The following ASMT variants were observed in gnomAD, a reference collection of about 807,000 sequenced individuals.
ASMT encodes the protein acetylserotonin O-methyltransferase.
ASMT carries 53 observed loss-of-function variants against 41.3 expected under a neutral mutation model. The observed-to-expected ratio is 1.28, with a 90% CI of 1.03 to 1.61. The LOEUF (loss-of-function observed/expected upper bound fraction) is 1.61, where lower values mean the gene tolerates loss of function less well. ASMT is among the 40% of genes most tolerant of loss of function. The pLI, the probability that ASMT is intolerant of heterozygous loss-of-function variation, is 0.00. For synonymous variants in ASMT, 231 were observed against 184.8 expected (o/e 1.25, Z -2.03); for missense variants, 531 against 441.3 (o/e 1.20, Z -1.82).
intron 7 of ASMT, among the ~76,000 whole-genome samples, chrX:1,633,514 C>T (rs181771500): frequency 3.3e-5 from 5 of 152,212 alleles, no homozygotes; most frequent in East Asian, 3.9e-4. Context: ...CTTGCTTTGT[C>T]GCCCAGGCTG....
At chrX:1,623,444 A>G in intron 2 of ASMT, 131 bp downstream of exon 2, 11 of 1,208,546 alleles carry the variant, frequency 9.1e-6, no homozygotes, top group Non-Finnish European at 1.2e-5. Flanking sequence ...AAAAAAATAC[A>G]AAAAATTAGC....
rs776800824 is a variant in ASMT at position 1,629,032 on chromosome X, C to G, written c.444-789C>G. On this transcript the variant is annotated intron_variant, in intron 4 of 8. Transcript: ENST00000381241. Reference sequence around the variant, plus strand: ...CTGCCTGCCTTCCTTCCTTCCCTCCCTCCCTCCTTTCTTTCTTTTTCTTTC... The same window carrying G: ...CTGCCTGCCTTCCTTCCTTCCCTCCGTCCCTCCTTTCTTTCTTTTTCTTTC... 2.1e-4 allele frequency among the ~76,000 whole-genome samples: 31 copies of G among 149,348 alleles called. No homozygotes were observed. In the East Asian group the frequency reaches 6.1e-3, roughly 29 times the overall value.
rs1270259729 is a variant in ASMT, at chrX:1,632,928, T to TGCA, written c.646+145_646+147dup. The TGCA allele has an allele frequency of 4.7e-6, 3 of 644,022 alleles. No homozygotes were observed. In the East Asian group the frequency reaches 8.2e-5, roughly 18 times the overall value. The allele number at this position is 644,022 out of a possible 1,614,324, so 39.9% of individuals were successfully genotyped here. ...CTAATGTAAATGACGAGTCGATGGGTGCAGCAAACCACCATGGCACATGGA... is the reference window on the plus strand; with the variant it reads ...CTAATGTAAATGACGAGTCGATGGGTGCAGCAGCAAACCACCATGGCACATGGA... On this transcript the variant is annotated intron_variant, in intron 6 of 8. Coordinates refer to ENST00000381241, the MANE Select transcript of ASMT (RefSeq NM_001171038.2).
rs1269556486 is a variant in ASMT at position 1,637,075 on chromosome X, C to CTG, written c.910+522_910+523dup. Among the ~76,000 whole-genome samples, 51 of 105,570 alleles carry CTG rather than the reference C, an allele frequency of 4.8e-4. 3 individuals carry two copies. Among genetic ancestry groups the CTG allele is most frequent in the African/African-American group, 1.5e-3 (40 of 25,956 alleles). The allele number at this position is 105,570 out of a possible 152,430, so 69.3% of individuals were successfully genotyped here. A position where few individuals can be genotyped will look rare whatever the true frequency, so the allele number is the denominator to read the frequency against. On this transcript the variant is annotated intron_variant, in intron 8 of 8. Transcript: ENST00000381241. ...GCACATGAGGATGTGGGCACAGCCT[C>CTG]TGTGTGTGAGATAAGGACTGTGTCC... is the stretch of plus-strand genomic sequence containing the variant.
intron 8 of ASMT, among the ~76,000 whole-genome samples, chrX:1,641,267 C>CCG (rs1167014857): frequency 2.4e-4 from 3 of 12,412 alleles, no homozygotes; most frequent in Middle Eastern, 0.023. Context: ...GTGGGCACAG[C>CCG]CTCTGTGTGT....
At chrX:1,625,370 C>A (rs1217948937) in intron 3 of ASMT, among the ~76,000 whole-genome samples, 1 of 151,536 alleles carries the variant, frequency 6.6e-6, no homozygotes, top group Non-Finnish European at 1.5e-5. Flanking sequence ...GTGGCAGGCA[C>A]CTGTAGTCCC....
In ASMT at chrX:1,633,304, C is replaced by A. The variant is rs376761724; in HGVS notation, c.787+14C>A. 1 of 1,613,738 alleles carries A rather than the reference C, an allele frequency of 6.2e-7. No homozygotes were observed. Among genetic ancestry groups the A allele is most frequent in the Non-Finnish European group, 8.5e-7 (1 of 1,179,818 alleles). The stretch of plus-strand genomic sequence containing the variant: ...ACTTCCAGGAAGGTGTGTTTGTGTC[C>A]GTGGGGAAGCAGAGATGTGTCTCAC... On this transcript the variant is annotated intron_variant, in intron 7 of 8. Coordinates refer to ENST00000381241, the MANE Select transcript of ASMT (RefSeq NM_001171038.2).
chrX:1,631,957 G>A (rs1934793980), intron 5 of ASMT, among the ~76,000 whole-genome samples: 1 of 152,148 alleles, frequency 6.6e-6, no homozygotes, highest in Admixed American at 6.5e-5. Context: ...GCTGAGGCAG[G>A]AGAATCGCTT....
At chrX:1,642,660 C>A in intron 8 of ASMT, 143 bp from the exon 9 acceptor site, 2 of 748,758 alleles carry the variant, frequency 2.7e-6, no homozygotes, top group South Asian at 1.5e-5. Context: ...TCGATGAGGA[C>A]GTGGGCACAG....
At chrX:1,627,643 TGAAATGA>T in intron 3 of ASMT, 53 bp from the exon 4 acceptor site, 1 of 471,998 alleles carries the variant, frequency 2.1e-6, no homozygotes, top group East Asian at 8.9e-5. Context: ...CGAAATGAAA[TGAAATGA>T]AATGAAATGA....
At chrX:1,634,655 C>A (rs1173459321) in intron 7 of ASMT, among the ~76,000 whole-genome samples, 3 of 149,250 alleles carry the variant, frequency 2.0e-5, no homozygotes, top group South Asian at 2.1e-4. Context: ...CTGAGTTAAC[C>A]CCCCCCCTTT....
rs758287209 is a variant in ASMT at position 1,627,638 on chromosome X, T to TGAAAC, written c.375-61_375-60insCGAAA. On this transcript the variant is annotated intron_variant, in intron 3 of 8. Transcript: ENST00000381241. ...TGAAATGAAACGAAATGAAACGAAA[T>TGAAAC]GAAATGAAATGAAATGAAATGAAAT... The TGAAAC allele has an allele frequency of 5.0e-4, 203 of 408,358 alleles. 1 individual carries two copies. In the African/African-American group the frequency reaches 0.038, roughly 77 times the overall value. 25.3% of individuals were successfully genotyped at this position (408,358 alleles called of 1,614,324 possible).
Position 1,633,193 on chromosome X carries a change from T to C in ASMT, c.690T>C (p.Pro230=). 1.2e-6 allele frequency: 2 copies of C among 1,613,860 alleles called. No homozygotes were observed. Among genetic ancestry groups the C allele is most frequent in the Non-Finnish European group, 1.7e-6 (2 of 1,179,834 alleles). The change falls in exon 7 of 9, where the codon CCT becomes CCC. Residue 230 remains proline, a synonymous_variant. Coordinates refer to ENST00000381241, the MANE Select transcript of ASMT (RefSeq NM_001171038.2). The part of the protein sequence containing the change: ...ALAKECMSLY[P]GCKITVFDIP... ...CTAAGGAATGCATGTCTCTGTACCC[T>C]GGATGTAAGATCACCGTTTTTGACA...
At chrX:1,636,413 T>G (rs758599863) in intron 7 of ASMT, 25 bp from the exon 8 acceptor site, 2 of 1,613,878 alleles carry the variant, frequency 1.2e-6, no homozygotes, top group Non-Finnish European at 1.7e-6. Flanking sequence ...CAGGCTGACC[T>G]CGGTGTGCCT....
intron 8 of ASMT, among the ~76,000 whole-genome samples, chrX:1,636,816 G>C (rs1266487951): frequency 6.6e-6 from 1 of 152,262 alleles, no homozygotes; most frequent in Admixed American, 6.5e-5. Flanking sequence ...AATTCTTTCA[G>C]AATTAGGCTA....
chrX:1,618,330 A>G (rs1304551582), intron 1 of ASMT, among the ~76,000 whole-genome samples: 8 of 151,994 alleles, frequency 5.3e-5, no homozygotes, highest in African/African-American at 1.9e-4. Context: ...CGCCCGGCTA[A>G]TTTTTGTATT....
At chrX:1,625,103 TC>T (rs1934481214) in intron 3 of ASMT, among the ~76,000 whole-genome samples, 1 of 119,816 alleles carries the variant, frequency 8.3e-6, no homozygotes, top group African/African-American at 3.5e-5. Context: ...TCTTTTCTTT[TC>T]TTTCTTTTTT....
intron 5 of ASMT, among the ~76,000 whole-genome samples, chrX:1,632,393 T>C (rs1420282084): frequency 6.6e-6 from 1 of 152,182 alleles, no homozygotes; most frequent in African/African-American, 2.4e-5. Flanking sequence ...GGCTCACGCC[T>C]GTCATCCCAG....
At chrX:1,617,489 C>G (rs1213748152) in intron 1 of ASMT, among the ~76,000 whole-genome samples, 3 of 151,694 alleles carry the variant, frequency 2.0e-5, no homozygotes, top group Non-Finnish European at 4.4e-5. Context: ...AAACCAAAAA[C>G]CAGCATCATC....
Sources: allele counts gnomAD v4.1 joint callset (sites outside exome capture counted in the v4.1 genomes callset), GRCh38; gene constraint gnomAD v4.1.1; transcripts MANE v1.5; gene names NCBI Gene and HGNC (gene_info 2026-07-23, HGNC 2026-07-21).